Variants in STRN3 observed in about 807,000 individuals in gnomAD.
STRN3 encodes striatin-3.
STRN3 carries 29 observed loss-of-function variants against 95.6 expected under a neutral mutation model. The ratio of observed to expected loss-of-function variants is 0.30; its 90% CI spans 0.23 to 0.41. The LOEUF is 0.41. Among genes scored for constraint, STRN3 ranks in the 10% least tolerant of loss-of-function variants. The pLI is 1.00. For missense variants in STRN3, 890 were observed against 972.1 expected (o/e 0.92, Z 1.12); for synonymous variants, 331 against 357.6 (o/e 0.93, Z 0.84).
At chr14:31,019,363 TAGA>T (rs771543104) in intron 1 of STRN3, among the ~76,000 whole-genome samples, 36 of 152,226 alleles carry the variant, frequency 2.4e-4, no homozygotes, top group Admixed American at 6.5e-4. Context: ...AATGAATGGA[TAGA>T]AGTACAGGTA....
chr14:30,963,745 T>G (rs1270896427), intron 1 of STRN3, among the ~76,000 whole-genome samples: 1 of 152,060 alleles, frequency 6.6e-6, no homozygotes, highest in African/African-American at 2.4e-5. Context: ...GATATCAAAG[T>G]TTCTTCTCTG....
intron 1 of STRN3, among the ~76,000 whole-genome samples, chr14:31,004,784 AT>A (rs531504740): frequency 6.1e-4 from 91 of 149,372 alleles, no homozygotes; most frequent in African/African-American, 1.2e-3. Context: ...GAAAAAAAAA[AT>A]TTTTTTTTTT....
At chr14:30,934,434 AATGT>A (rs1208267434) in intron 7 of STRN3, among the ~76,000 whole-genome samples, 1 of 152,216 alleles carries the variant, frequency 6.6e-6, no homozygotes, top group Non-Finnish European at 1.5e-5. Context: ...GGATTGCATG[AATGT>A]ATTTACTAGG....
Position 31,026,027 on chromosome 14 carries a change from T to C in STRN3, c.159A>G (p.Ala53=). 6.5e-7 allele frequency: 1 copy of C among 1,538,698 alleles called. No individual in the cohort carries two copies. Among genetic ancestry groups the C allele is most frequent in the South Asian group, 1.2e-5 (1 of 83,496 alleles). The change falls in exon 1 of 18, where the codon GCA becomes GCG. Residue 53 remains alanine, a synonymous_variant. Coordinates refer to ENST00000357479, the MANE Select transcript of STRN3 (RefSeq NM_001083893.2). The part of the protein sequence containing the change: ...PPASEGAGPA[A]GPELSRPQQY... ...GCTGCGGCCGGGACAGCTCGGGGCC[T>C]GCCGCGGGACCCGCTCCCTCGGAGG...
intron 1 of STRN3, among the ~76,000 whole-genome samples, chr14:30,972,564 A>G (rs1594520340): frequency 6.6e-6 from 1 of 152,246 alleles, no homozygotes; most frequent in East Asian, 1.9e-4. Context: ...ACTTTATAAC[A>G]CTGAGACAGG....
chr14:30,894,902 T>TC lies in STRN3; in HGVS notation c.*508_*509insG, dbSNP rs1896088573. 9.4e-7 allele frequency: 1 copy of TC among 1,063,146 alleles called. No homozygotes were observed. The allele number at this position is 1,063,146 out of a possible 1,614,324, so 65.9% of individuals were successfully genotyped here. On this transcript the variant is annotated 3_prime_UTR_variant, in exon 18 of 18. Transcript: ENST00000357479. ...GTTAAATTTTCTTTTTCTTTTTTTT[T>TC]TTTTTTAAAGCAAAATAAGTTTAAA...
At chr14:30,996,815 G>A (rs548243731) in intron 1 of STRN3, among the ~76,000 whole-genome samples, 2 of 148,558 alleles carry the variant, frequency 1.3e-5, no homozygotes, top group East Asian at 1.9e-4. Context: ...GCAGTGAGCC[G>A]AGATCGTGCC....
rs1216691033 is a variant in STRN3 at position 31,026,185 on chromosome 14, TTG to T, written c.-2_-1del. 3 of 1,461,698 alleles carry T rather than the reference TTG, an allele frequency of 2.1e-6. No individual in the cohort carries two copies. The highest frequency in any genetic ancestry group is 1.8e-6 in the Non-Finnish European group (2 of 1,115,466). The allele number at this position is 1,461,698 out of a possible 1,614,324, so 90.5% of individuals were successfully genotyped here. On this transcript the variant is annotated 5_prime_UTR_variant, in exon 1 of 18. Transcript: ENST00000357479. Reference sequence around the variant, plus strand: ...CCACCGCCTCCGGCAAGCTCGTCCATTGTGTGTGGGGCCCCGGCCGGGGCGCA... The same window carrying T: ...CCACCGCCTCCGGCAAGCTCGTCCATTGTGTGGGGCCCCGGCCGGGGCGCA...
chr14:30,907,725 G>T (rs1896503088), intron 13 of STRN3, among the ~76,000 whole-genome samples: 1 of 152,122 alleles, frequency 6.6e-6, no homozygotes, highest in African/African-American at 2.4e-5. Flanking sequence ...CCATGTTGGA[G>T]CATGTATCAG....
chr14:30,926,211 A>AATT (rs1294904574), intron 8 of STRN3, among the ~76,000 whole-genome samples: 1 of 152,126 alleles, frequency 6.6e-6, no homozygotes, highest in Non-Finnish European at 1.5e-5. Flanking sequence ...CACTTTGCTA[A>AATT]AGACCTTATC....
chr14:31,014,812 T>TAA, intron 1 of STRN3: 5 of 411,064 alleles, frequency 1.2e-5, no homozygotes, highest in Admixed American at 7.4e-5. Flanking sequence ...CAAAACCACT[T>TAA]TAAAAAAAAA....
At chr14:30,900,187 GTCTC>G (rs1896267096) in intron 16 of STRN3, among the ~76,000 whole-genome samples, 1 of 150,500 alleles carries the variant, frequency 6.6e-6, no homozygotes, top group Non-Finnish European at 1.5e-5. Context: ...CTGAAAGCCT[GTCTC>G]TACTAAAAAT....
intron 1 of STRN3, among the ~76,000 whole-genome samples, chr14:30,987,431 C>G (rs1881747736): frequency 6.6e-6 from 1 of 151,934 alleles, no homozygotes; most frequent in East Asian, 1.9e-4. Flanking sequence ...GGCGTGAACC[C>G]AGGAGGCAGA....
chr14:30,992,698 C>T (rs1016253702), intron 1 of STRN3, among the ~76,000 whole-genome samples: 4 of 151,626 alleles, frequency 2.6e-5, no homozygotes, highest in Non-Finnish European at 5.9e-5. Flanking sequence ...TTTTTATATG[C>T]GTCTATATTC....
intron 1 of STRN3, among the ~76,000 whole-genome samples, chr14:30,977,814 A>T (rs1430629763): frequency 6.6e-6 from 1 of 151,344 alleles, no homozygotes; most frequent in Admixed American, 6.6e-5. Flanking sequence ...AAAAAAAAAA[A>T]AAACATGAAA....
intron 1 of STRN3, among the ~76,000 whole-genome samples, chr14:30,976,900 G>A (rs1043017488): frequency 6.6e-6 from 1 of 152,106 alleles, no homozygotes; most frequent in African/African-American, 2.4e-5. Context: ...GACCAGCCTG[G>A]CCAACATGGT....
intron 1 of STRN3, among the ~76,000 whole-genome samples, chr14:30,977,566 C>G (rs1039095042): frequency 6.6e-6 from 1 of 150,826 alleles, no homozygotes; most frequent in African/African-American, 2.4e-5. Flanking sequence ...GGCAGATGAC[C>G]TGAGGTCAGG....
chr14:30,924,287 C>CGTTTTTT (rs1896959966), intron 8 of STRN3, among the ~76,000 whole-genome samples: 1 of 77,228 alleles, frequency 1.3e-5, no homozygotes, highest in African/African-American at 5.4e-5. Flanking sequence ...TGCCTTAAAT[C>CGTTTTTT]TTTTTTTTTT....
intron 7 of STRN3, among the ~76,000 whole-genome samples, chr14:30,929,963 A>AC: frequency 6.8e-6 from 1 of 147,424 alleles, no homozygotes; most frequent in African/African-American, 2.5e-5. Flanking sequence ...GCAAAAAAAA[A>AC]AAAAAAAAAA....
Sources: allele counts gnomAD v4.1 joint callset (sites outside exome capture counted in the v4.1 genomes callset), GRCh38; gene constraint gnomAD v4.1.1; transcripts MANE v1.5; gene names NCBI Gene and HGNC (gene_info 2026-07-23, HGNC 2026-07-21).